Variants in CSMD3 observed in about 807,000 individuals in gnomAD.
CSMD3 encodes CUB and sushi domain-containing protein 3.
In CSMD3, 177 loss-of-function variants were observed where a neutral mutation model predicts 435.2. The observed-to-expected ratio is 0.41, with a 90% CI of 0.36 to 0.46. The LOEUF is 0.46. Ranked by LOEUF, CSMD3 falls within the 20% of genes least tolerant of loss-of-function variation. CSMD3 has a pLI of 0.34. For synonymous variants in CSMD3, 1,656 were observed against 1,520.5 expected, an observed-to-expected ratio of 1.09 and a Z score of -2.07; for missense variants, 4,265 against 4,504.6, an observed-to-expected ratio of 0.95 and a Z score of 1.52.
chr8:112,701,108 A>G (rs1401098397), intron 13 of CSMD3, among the ~76,000 whole-genome samples: 32 of 152,132 alleles, frequency 2.1e-4, no homozygotes, highest in Non-Finnish European at 1.5e-5. Flanking sequence ...AAGCTCCTCA[A>G]TAAAGTATTA....
chr8:113,308,284 T>TA (rs1180163227), intron 2 of CSMD3, among the ~76,000 whole-genome samples: 1 of 140,404 alleles, frequency 7.1e-6, no homozygotes, highest in Admixed American at 7.3e-5. Context: ...TTTTTTTTTT[T>TA]TTGAGATGGA....
intron 10 of CSMD3, among the ~76,000 whole-genome samples, chr8:112,878,480 A>C (rs971797995): frequency 1.3e-5 from 2 of 152,228 alleles, no homozygotes; most frequent in African/African-American, 4.8e-5. Context: ...AGTGTAAATT[A>C]GTTCAACCAT....
intron 22 of CSMD3, among the ~76,000 whole-genome samples, chr8:112,589,229 A>T (rs1244095377): frequency 6.6e-6 from 1 of 152,128 alleles, no homozygotes; most frequent in East Asian, 1.9e-4. Context: ...GTGCCTGTCC[A>T]GCTATTACCT....
chr8:112,256,911 C>T (rs910230834), intron 61 of CSMD3, among the ~76,000 whole-genome samples: 11 of 152,004 alleles, frequency 7.2e-5, no homozygotes, highest in Admixed American at 2.0e-4. Context: ...TACAAGAGAT[C>T]GACCACAACA....
intron 1 of CSMD3, among the ~76,000 whole-genome samples, chr8:113,351,479 C>T (rs2094190011): frequency 6.6e-6 from 1 of 151,810 alleles, no homozygotes; most frequent in African/African-American, 2.4e-5. Context: ...TTATTTACAA[C>T]TTGATCATGA....
chr8:113,406,870 C>T (rs1588673887), intron 1 of CSMD3, among the ~76,000 whole-genome samples: 1 of 152,140 alleles, frequency 6.6e-6, no homozygotes, highest in South Asian at 2.1e-4. Context: ...GAGTGGAGAA[C>T]TGCAAGTGTT....
intron 24 of CSMD3, among the ~76,000 whole-genome samples, chr8:112,559,335 A>G (rs1282966903): frequency 6.6e-6 from 1 of 151,904 alleles, no homozygotes; most frequent in Admixed American, 6.6e-5. Context: ...TAGAGTAAGA[A>G]CACATGATCC....
At chr8:112,370,714 C>T (rs1237942977) in intron 38 of CSMD3, among the ~76,000 whole-genome samples, 1 of 135,564 alleles carries the variant, frequency 7.4e-6, no homozygotes, top group African/African-American at 2.5e-5. Flanking sequence ...ACTCCTGATC[C>T]CTCAACTCTC....
chr8:112,470,345 A>T (rs1818397132), intron 32 of CSMD3, among the ~76,000 whole-genome samples: 1 of 152,164 alleles, frequency 6.6e-6, no homozygotes, highest in African/African-American at 2.4e-5. Flanking sequence ...TATGAATGTG[A>T]ACATAAAGAA....
intron 3 of CSMD3, among the ~76,000 whole-genome samples, chr8:113,247,242 G>T (rs879300942): frequency 1.2e-4 from 18 of 152,128 alleles, no homozygotes; most frequent in Admixed American, 1.1e-3. Flanking sequence ...TGGAGATAAG[G>T]ATCTTCCCAC....
At chr8:112,651,716 G>A (rs1462990795) in intron 18 of CSMD3, among the ~76,000 whole-genome samples, 1 of 151,580 alleles carries the variant, frequency 6.6e-6, no homozygotes, top group Non-Finnish European at 1.5e-5. Context: ...TTTTTGTATT[G>A]TTAGTAGAGA....
intron 12 of CSMD3, among the ~76,000 whole-genome samples, chr8:112,827,226 G>T (rs1205076105): frequency 8.3e-6 from 1 of 121,194 alleles, no homozygotes; most frequent in Non-Finnish European, 1.6e-5. Context: ...ACCCACAATT[G>T]TGTGATACCA....
At chr8:112,741,794 A>AAGATAGATAGATAGATAGATAGATAGAT (rs3039663) in intron 13 of CSMD3, among the ~76,000 whole-genome samples, 17 of 149,352 alleles carry the variant, frequency 1.1e-4, no homozygotes, top group Non-Finnish European at 2.1e-4. Flanking sequence ...AGATAGAGAG[A>AAGATAGATAGATAGATAGATAGATAGAT]AGATAGATAG....
At chr8:113,327,318 G>C (rs1435855850) in intron 1 of CSMD3, among the ~76,000 whole-genome samples, 1 of 152,110 alleles carries the variant, frequency 6.6e-6, no homozygotes, top group Non-Finnish European at 1.5e-5. Context: ...TGGCAGAGGG[G>C]AGGCCTCCAT....
chr8:113,116,325 TAAG>T (rs1564333288), intron 4 of CSMD3, among the ~76,000 whole-genome samples: 1 of 152,156 alleles, frequency 6.6e-6, no homozygotes, highest in Non-Finnish European at 1.5e-5. Context: ...TATGGTTATA[TAAG>T]GAGTTTATGC....
chr8:113,326,721 G>A (rs1170950840), intron 1 of CSMD3, among the ~76,000 whole-genome samples: 2 of 152,024 alleles, frequency 1.3e-5, no homozygotes, highest in Admixed American at 1.3e-4. Flanking sequence ...AGACATTTAT[G>A]CCACTGTGTC....
chr8:112,697,328 A>G (rs2076280497), intron 13 of CSMD3, among the ~76,000 whole-genome samples: 1 of 152,198 alleles, frequency 6.6e-6, no homozygotes, highest in African/African-American at 2.4e-5. Flanking sequence ...GAACCAACCC[A>G]AATGTCCATC....
chr8:112,701,524 G>A (rs1239687475), intron 13 of CSMD3, among the ~76,000 whole-genome samples: 1 of 152,054 alleles, frequency 6.6e-6, no homozygotes, highest in African/African-American at 2.4e-5. Flanking sequence ...TGTAAGCCAG[G>A]TACTGGGAAA....
intron 3 of CSMD3, among the ~76,000 whole-genome samples, chr8:113,249,023 A>G (rs2093308787): frequency 6.6e-6 from 1 of 152,112 alleles, no homozygotes; most frequent in Non-Finnish European, 1.5e-5. Context: ...GGGTAGGACC[A>G]GATAGACATA....
Sources: gnomAD v4.1 joint callset for allele counts (sites outside exome capture counted in the v4.1 genomes callset) on GRCh38, gnomAD v4.1.1 for gene constraint, MANE v1.5 for transcripts, NCBI Gene and HGNC (gene_info 2026-07-23, HGNC 2026-07-21) for gene names.